Variants in SEC31A observed in about 807,000 individuals in gnomAD.
SEC31A encodes the protein SEC31 homolog A, COPII component.
In SEC31A, 70 loss-of-function variants were observed where a neutral mutation model predicts 151.0. The observed-to-expected ratio is 0.46, with a 90% CI of 0.38 to 0.57. The LOEUF (loss-of-function observed/expected upper bound fraction) is 0.57. SEC31A is among the 20% of genes least tolerant of loss of function. The pLI is 0.00. For missense variants in SEC31A, 1,330 were observed against 1,471.2 expected (o/e 0.90, Z 1.57); for synonymous variants, 475 against 505.9 (o/e 0.94, Z 0.82).
At chr4:82,824,197 C>A (rs148713196) in intron 25 of SEC31A, among the ~76,000 whole-genome samples, 170 of 152,154 alleles carry the variant, frequency 1.1e-3, no homozygotes, top group African/African-American at 3.9e-3. Flanking sequence ...ATAAAGAATT[C>A]TTTTATTTTA....
In SEC31A at chr4:82,853,513, T is replaced by A. The variant is rs1731895758; in HGVS notation, c.2154+57A>T. On this transcript the variant is annotated intron_variant, in intron 18 of 26. Transcript: ENST00000395310. ...GAACTTATAGATTATAACTTGATGA[T>A]AAGTAGGGTGAAAGACAACACTAAA... 5.0e-6 allele frequency: 7 copies of A among 1,387,866 alleles called. No individual in the cohort carries two copies. The East Asian group carries it at 1.8e-4, about 35-fold the overall frequency. The allele number at this position is 1,387,866 out of a possible 1,614,324, so 86.0% of individuals were successfully genotyped here.
At chr4:82,861,745 A>T in intron 13 of SEC31A, 37 bp from the exon 14 acceptor site, 1 of 1,438,374 alleles carries the variant, frequency 7.0e-7, no homozygotes, top group Non-Finnish European at 9.7e-7. Flanking sequence ...GAAGGTGAAG[A>T]ATGTAGTATT....
intron 1 of SEC31A, among the ~76,000 whole-genome samples, chr4:82,887,258 G>A (rs1740939768): frequency 6.6e-6 from 1 of 152,080 alleles, no homozygotes; most frequent in Admixed American, 6.5e-5. Flanking sequence ...TTAATGCTTG[G>A]TTAATGTGTA....
At chr4:82,872,174 A>G in intron 6 of SEC31A, 88 bp from the exon 7 acceptor site, 1 of 973,432 alleles carries the variant, frequency 1.0e-6, no homozygotes, top group Non-Finnish European at 1.6e-6. Context: ...TATTGAAACA[A>G]ATAGTGAAAA....
At chr4:82,831,582 A>G (rs1216176650) in intron 22 of SEC31A, among the ~76,000 whole-genome samples, 4 of 152,216 alleles carry the variant, frequency 2.6e-5, no homozygotes, top group Non-Finnish European at 5.9e-5. Context: ...TACATGTCCT[A>G]CAGACTTCAA....
rs144238632 is a variant in SEC31A at position 82,855,039 on chromosome 4, C to T, written c.1882-10G>A. ...CCACTGCAGTGATGAGCTTGAGAAA[C>T]GAAAACAAAGGAAGAATTAAAAGTC... On this transcript the variant is annotated splice_polypyrimidine_tract_variant and intron_variant, in intron 16 of 26. Transcript: ENST00000395310. 2,131 of 1,581,362 alleles carry T rather than the reference C, an allele frequency of 1.3e-3. 24 individuals carry two copies. The African/African-American group carries it at 0.025, about 19-fold the overall frequency.
At chr4:82,819,847 C>T (rs141742159) in intron 26 of SEC31A, among the ~76,000 whole-genome samples, 2,373 of 152,068 alleles carry the variant, frequency 0.016, 60 homozygotes, top group African/African-American at 0.051. Context: ...CTGCAACCTC[C>T]GCCTCCCGGG....
intron 23 of SEC31A, among the ~76,000 whole-genome samples, chr4:82,828,673 C>CA (rs397994259): frequency 0.04 from 1,775 of 44,122 alleles, 108 homozygotes; most frequent in African/African-American, 0.12. Flanking sequence ...CAAAGTAACT[C>CA]AAAAAAAAAA....
chr4:82,822,761 G>A (rs1723648309), intron 25 of SEC31A, among the ~76,000 whole-genome samples: 1 of 152,178 alleles, frequency 6.6e-6, no homozygotes, highest in African/African-American at 2.4e-5. Flanking sequence ...ATCACCTGAT[G>A]TTGGGAGTTC....
Position 82,848,820 on chromosome 4 carries a change from T to C in SEC31A, c.2486A>G (p.Gln829Arg). 1 of 1,613,218 alleles carries C rather than the reference T, an allele frequency of 6.2e-7. No individual in the cohort carries two copies. The highest frequency in any genetic ancestry group is 1.1e-5 in the South Asian group (1 of 90,896). The change falls in exon 20 of 27, where the codon CAA becomes CGA. Residue 829 changes from glutamine (Q) to arginine (R), a missense_variant. Physicochemically the swap from Gln to Arg is conservative, Grantham distance 43. Transcript: ENST00000395310. ...ATCACTCACATGGGGATAATATTGTTGAGTTTGAACTCTTGGCATCTGGTG... is the reference window on the plus strand; with the variant it reads ...ATCACTCACATGGGGATAATATTGTCGAGTTTGAACTCTTGGCATCTGGTG... ...GHHQMPRVQT[Q>R]QYYPHGENPP...
chr4:82,871,105 G>A (rs916759106), intron 7 of SEC31A, among the ~76,000 whole-genome samples: 1 of 152,148 alleles, frequency 6.6e-6, no homozygotes, highest in Non-Finnish European at 1.5e-5. Context: ...AGGATTACTT[G>A]AGCCCAGAGG....
At position 82,861,640 on chromosome 4, in the gene SEC31A, G is replaced by C. The variant is rs1224551904; in HGVS notation, c.1617C>G (p.Leu539=). 2 of 1,602,276 alleles carry C rather than the reference G, an allele frequency of 1.2e-6. No homozygotes were observed. The highest frequency in any genetic ancestry group is 2.2e-5 in the East Asian group (1 of 44,788). Residue 539 remains leucine (L), a synonymous_variant, in exon 14 of 27, where the codon CTC becomes CTG. Transcript: ENST00000395310. ...AAAAAAAAATAAGTACCTCTCCCAA[G>C]AGCTGCTCTTCAGCAGCAGGGCTCT... ...GEESPAAEEQ[L]LGEHIKEEKE...
chr4:82,879,699 G>C (rs909090814), intron 3 of SEC31A, among the ~76,000 whole-genome samples: 2 of 152,150 alleles, frequency 1.3e-5, no homozygotes, highest in Non-Finnish European at 2.9e-5. Context: ...GCTATATTCT[G>C]TCAGCTAAAG....
chr4:82,886,258 T>C (rs989667936), intron 1 of SEC31A, among the ~76,000 whole-genome samples: 2 of 152,240 alleles, frequency 1.3e-5, no homozygotes, highest in South Asian at 4.1e-4. Context: ...ATGTATCACA[T>C]GGTTAAAAGC....
chr4:82,860,043 C>T (rs552757093), intron 14 of SEC31A, among the ~76,000 whole-genome samples: 12 of 152,238 alleles, frequency 7.9e-5, no homozygotes, highest in Admixed American at 3.9e-4. Flanking sequence ...CTGCCCGCCT[C>T]GGCCTCCCAA....
chr4:82,859,270 A>G (rs1733518829), intron 14 of SEC31A, among the ~76,000 whole-genome samples: 1 of 152,224 alleles, frequency 6.6e-6, no homozygotes, highest in Non-Finnish European at 1.5e-5. Flanking sequence ...GTAAAAATAT[A>G]CACAGTTCTG....
In SEC31A at chr4:82,874,647, A is replaced by C. The variant is rs1010547967; in HGVS notation, c.603T>G (p.Asn201Lys). The C allele has an allele frequency of 2.7e-5, 44 of 1,611,292 alleles. No homozygotes were observed. Among genetic ancestry groups the C allele is most frequent in the Non-Finnish European group, 3.6e-5 (43 of 1,179,550 alleles). Residue 201 changes from asparagine (N) to lysine (K), a missense_variant, in exon 6 of 27, where the codon AAT (asparagine) becomes AAG (lysine). By Grantham distance (94) the Asn-to-Lys change is moderately conservative. Coordinates refer to ENST00000395310, the MANE Select transcript of SEC31A (RefSeq NM_001077207.4). ...GRATVWDLRK[N>K]EPIIKVSDHS... ...GGTCACTGACTTTGATGATTGGCTC[A>C]TTTTTTCTAAGATCCCATACAGTGG...
At chr4:82,842,095 A>G in intron 22 of SEC31A, 45 bp downstream of exon 22, 1 of 1,460,798 alleles carries the variant, frequency 6.8e-7, no homozygotes, top group South Asian at 1.4e-5. Flanking sequence ...CTGTTCATAA[A>G]CAAATAAAGG....
At chr4:82,842,965 A>G (rs549544231) in intron 21 of SEC31A, 1 of 154,200 alleles carries the variant, frequency 6.5e-6, no homozygotes, top group Non-Finnish European at 1.4e-5. Context: ...TTAAATTACC[A>G]GCTACTGAAA....
Sources: gnomAD v4.1 joint callset for allele counts (sites outside exome capture counted in the v4.1 genomes callset) on GRCh38, gnomAD v4.1.1 for gene constraint, MANE v1.5 for transcripts, NCBI Gene and HGNC (gene_info 2026-07-23, HGNC 2026-07-21) for gene names.